Variants in WDR59 observed in about 807,000 individuals in gnomAD.
The protein encoded by WDR59 is GATOR2 complex protein WDR59.
Under a neutral mutation model 131.2 loss-of-function variants are expected in WDR59, and 100 were observed. That is an observed-to-expected ratio of 0.76 (90% CI 0.65 to 0.90). The LOEUF is 0.90. WDR59 is among the 40% of genes least tolerant of loss of function. The pLI is 0.00. For synonymous variants in WDR59, 601 were observed against 466.2 expected (o/e 1.29, Z -3.72); for missense variants, 1,203 against 1,262.2 (o/e 0.95, Z 0.71).
intron 25 of WDR59, among the ~76,000 whole-genome samples, chr16:74,879,044 T>C (rs1464383908): frequency 1.3e-5 from 2 of 152,190 alleles, no homozygotes; most frequent in Non-Finnish European, 2.9e-5. Flanking sequence ...GATTCCTGAA[T>C]ACCAACTTTC....
intron 9 of WDR59, among the ~76,000 whole-genome samples, chr16:74,923,667 G>A (rs771542113): frequency 6.6e-5 from 10 of 151,836 alleles, no homozygotes; most frequent in Admixed American, 1.3e-4. Flanking sequence ...TAGTAGAGAC[G>A]GGGTTTCACC....
intron 17 of WDR59, among the ~76,000 whole-genome samples, chr16:74,904,764 T>G (rs1965717881): frequency 6.6e-6 from 1 of 152,136 alleles, no homozygotes; most frequent in Non-Finnish European, 1.5e-5. Flanking sequence ...TTTAAACACT[T>G]AACTATAGAA....
At chr16:74,893,365 C>G (rs1032695263) in intron 19 of WDR59, among the ~76,000 whole-genome samples, 5 of 152,124 alleles carry the variant, frequency 3.3e-5, no homozygotes, top group African/African-American at 1.2e-4. Flanking sequence ...ACAACCTGAA[C>G]AAGCTTGGAA....
Position 74,938,281 on chromosome 16 carries a change from C to T in WDR59, c.535-15G>A. 6.9e-7 allele frequency: 1 copy of T among 1,458,856 alleles called. No homozygotes were observed. Among genetic ancestry groups the T allele is most frequent in the Non-Finnish European group, 9.1e-7 (1 of 1,093,590 alleles). 90.4% of individuals were successfully genotyped at this position (1,458,856 alleles called of 1,614,324 possible). On this transcript the variant is annotated splice_polypyrimidine_tract_variant and intron_variant, in intron 7 of 25. Transcript: ENST00000262144. ...GTACTGGGTTTCTGCAACAGATCAG[C>T]ACCTAATATTATCGATTTAGAAAGA...
At chr16:74,894,114 T>G (rs149355834) in intron 18 of WDR59, among the ~76,000 whole-genome samples, 1 of 152,076 alleles carries the variant, frequency 6.6e-6, no homozygotes, top group Non-Finnish European at 1.5e-5. Flanking sequence ...GTAAATAAGT[T>G]AGTAAAGGCC....
chr16:74,964,509 GGAAA>G (rs1322719762), intron 2 of WDR59, among the ~76,000 whole-genome samples: 1 of 151,996 alleles, frequency 6.6e-6, no homozygotes. Flanking sequence ...GAGGTAGGAA[GGAAA>G]TTTACTTTTC....
chr16:74,924,871 T>A (rs973751478), intron 8 of WDR59, among the ~76,000 whole-genome samples: 8 of 152,154 alleles, frequency 5.3e-5, no homozygotes, highest in Non-Finnish European at 1.2e-4. Context: ...TCCTCCCACC[T>A]CGGCCTCCCA....
chr16:74,919,117 C>T (rs74490240), intron 10 of WDR59, among the ~76,000 whole-genome samples: 1 of 152,122 alleles, frequency 6.6e-6, no homozygotes, highest in African/African-American at 2.4e-5. Context: ...TGTGCCTCCC[C>T]CGCTGGTCCC....
rs752081872 is a variant in WDR59, at chr16:74,909,814, C to T, written c.1485+8G>A. On this transcript the variant is annotated splice_region_variant and intron_variant, in intron 15 of 25. Transcript: ENST00000262144. ...CCTAAGTTGGTATGACAGTTTCATG[C>T]TTCCCACCACAAAGGACTCAAGGCA... 5.6e-6 allele frequency: 9 copies of T among 1,608,202 alleles called. No homozygotes were observed. Among genetic ancestry groups the T allele is most frequent in the East Asian group, 2.2e-5 (1 of 44,872 alleles).
At chr16:74,901,135 G>A (rs1309976439) in intron 18 of WDR59, among the ~76,000 whole-genome samples, 1 of 152,090 alleles carries the variant, frequency 6.6e-6, no homozygotes, top group Non-Finnish European at 1.5e-5. Context: ...CTGGCTGGGT[G>A]AGATGGCTCA....
At chr16:74,954,649 T>A (rs1256272450) in intron 3 of WDR59, among the ~76,000 whole-genome samples, 1 of 152,142 alleles carries the variant, frequency 6.6e-6, no homozygotes, top group Non-Finnish European at 1.5e-5. Context: ...CTCTTAGATG[T>A]TTACCCAAAA....
intron 1 of WDR59, among the ~76,000 whole-genome samples, chr16:74,981,613 CATATATATATATATATATATATATATAT>C (rs1162042042): frequency 1.8e-4 from 5 of 27,782 alleles, no homozygotes; most frequent in African/African-American, 5.6e-4. Context: ...TATACATTTA[CATATATATATATATATATATATATATAT>C]ATATATATAT....
chr16:74,915,975 A>C lies in WDR59; in HGVS notation c.1119T>G (p.Pro373=), dbSNP rs778493365. ...GEEEALKEDP[P]RNLLEERKSD... ...ATTTCCTCTCTTCCAGGAGATTTCTAGGGGGATCTTCTTTTAGGGCTAGCA... is the reference window on the plus strand; with the variant it reads ...ATTTCCTCTCTTCCAGGAGATTTCTCGGGGGATCTTCTTTTAGGGCTAGCA... The change falls in exon 13 of 26, where the codon CCT becomes CCG. Residue 373 remains proline, a synonymous_variant. Transcript: ENST00000262144. 7 of 1,613,992 alleles carry C rather than the reference A, an allele frequency of 4.3e-6. No homozygotes were observed. The African/African-American group carries it at 9.3e-5, about 22-fold the overall frequency.
At chr16:74,951,649 A>G (rs2033006475) in intron 3 of WDR59, 106 bp from the exon 4 acceptor site, 2 of 934,012 alleles carry the variant, frequency 2.1e-6, no homozygotes, top group Non-Finnish European at 3.4e-6. Flanking sequence ...CATGCATGGC[A>G]AAGATCCTTC....
chr16:74,901,190 C>A (rs750489457), intron 18 of WDR59, among the ~76,000 whole-genome samples: 1 of 152,176 alleles, frequency 6.6e-6, no homozygotes, highest in Non-Finnish European at 1.5e-5. Flanking sequence ...GGGAGGACTG[C>A]AAGAGCCCAG....
chr16:74,893,638 G>A (rs1245399639), intron 19 of WDR59, 41 bp downstream of exon 19: 1 of 1,555,298 alleles, frequency 6.4e-7, no homozygotes, highest in Admixed American at 1.9e-5. Flanking sequence ...GCTAATCCTG[G>A]CTAAATGATG....
At chr16:74,955,421 CA>C (rs2033238184) in intron 3 of WDR59, among the ~76,000 whole-genome samples, 1 of 152,072 alleles carries the variant, frequency 6.6e-6, no homozygotes, top group South Asian at 2.1e-4. Context: ...ACTAGACGAT[CA>C]GGGGCCGAGG....
chr16:74,888,225 G>T lies in WDR59; in HGVS notation c.2290C>A (p.Pro764Thr). ...AQSRPQGLPNPFGPFPNRSSN... is the reference protein window; with the variant it reads ...AQSRPQGLPNTFGPFPNRSSN... ...GAACGGTTAGGAAAAGGCCCAAAGG[G>T]GTTTGGTAGCCCCTGAGGCCGAGAC... Residue 764 changes from proline (P) to threonine (T), a missense_variant, in exon 22 of 26, where the codon CCC becomes ACC. Physicochemically the swap from Pro to Thr is conservative, Grantham distance 38. Coordinates refer to ENST00000262144, the MANE Select transcript of WDR59 (RefSeq NM_030581.4). 1 of 1,614,122 alleles carries T rather than the reference G, an allele frequency of 6.2e-7. No homozygotes were observed. Among genetic ancestry groups the T allele is most frequent in the Non-Finnish European group, 8.5e-7 (1 of 1,180,004 alleles).
At position 74,960,813 on chromosome 16, in the gene WDR59, T is replaced by A. The variant is rs1229917313; in HGVS notation, c.105-4203A>T. On this transcript the variant is annotated intron_variant, in intron 2 of 25. Coordinates refer to ENST00000262144, the MANE Select transcript of WDR59 (RefSeq NM_030581.4). Reference sequence around the variant, plus strand: ...TGGGAAAATAAAAGGGAGAAAATGATCAAAGACATAATACAGAAACATTTC... The same window carrying A: ...TGGGAAAATAAAAGGGAGAAAATGAACAAAGACATAATACAGAAACATTTC... Among the ~76,000 whole-genome samples, 38 of 147,714 alleles carry A rather than the reference T, an allele frequency of 2.6e-4. 1 individual carries two copies. The highest frequency in any genetic ancestry group is 2.6e-3 in the Admixed American group (38 of 14,894).
Sources: gnomAD v4.1 joint callset for allele counts (sites outside exome capture counted in the v4.1 genomes callset) on GRCh38, gnomAD v4.1.1 for gene constraint, MANE v1.5 for transcripts, NCBI Gene and HGNC (gene_info 2026-07-23, HGNC 2026-07-21) for gene names.